BTG3: variants seen among roughly 807,000 people sequenced by gnomAD.
BTG3 encodes protein BTG3.
A neutral mutation model predicts 25.8 loss-of-function variants in BTG3; 4 were observed. The ratio of observed to expected loss-of-function variants is 0.16; its 90% CI spans 0.08 to 0.36. The LOEUF is 0.36. Ranked by LOEUF, BTG3 falls within the 10% of genes least tolerant of loss-of-function variation. BTG3 has a pLI of 1.00. For missense variants in BTG3, 201 were observed against 304.9 expected (o/e 0.66, Z 2.54); for synonymous variants, 107 against 99.9 (o/e 1.07, Z -0.42).
Position 17,604,246 on chromosome 21 carries a change from G to A in BTG3, c.311+614C>T, listed in dbSNP as rs530013965. 40 of 462,492 alleles carry A rather than the reference G, an allele frequency of 8.6e-5. No homozygotes were observed. In the East Asian group the frequency reaches 2.3e-3, roughly 27 times the overall value. The allele number at this position is 462,492 out of a possible 1,614,324, so 28.6% of individuals were successfully genotyped here. On this transcript the variant is annotated intron_variant, in intron 3 of 4. Coordinates refer to ENST00000348354, the MANE Select transcript of BTG3 (RefSeq NM_006806.5). ...TCACGAGGTCAGGAGTTTGAGAGCAGTCTGGCCAACATGGTGAAACCCCAT... is the reference window on the plus strand; with the variant it reads ...TCACGAGGTCAGGAGTTTGAGAGCAATCTGGCCAACATGGTGAAACCCCAT...
At chr21:17,606,485 T>C (rs1361792616) in intron 2 of BTG3, among the ~76,000 whole-genome samples, 1 of 152,140 alleles carries the variant, frequency 6.6e-6, no homozygotes, top group Non-Finnish European at 1.5e-5. Flanking sequence ...TAATATTGTA[T>C]AGGGTAATTT....
intron 3 of BTG3, 192 bp from the exon 4 acceptor site, chr21:17,599,016 G>A (rs2061538261): frequency 2.0e-6 from 1 of 496,326 alleles, no homozygotes; most frequent in African/African-American, 2.0e-5. Flanking sequence ...TTCTACTTCT[G>A]GTCTATTTAA....
At chr21:17,607,400 T>C (rs1244599917) in intron 2 of BTG3, among the ~76,000 whole-genome samples, 1 of 151,882 alleles carries the variant, frequency 6.6e-6, no homozygotes, top group Non-Finnish European at 1.5e-5. Flanking sequence ...AAAAAAAAAA[T>C]TAAGATAATC....
At position 17,595,247 on chromosome 21, in the gene BTG3, ATCT is replaced by A. The variant is rs144154891; in HGVS notation, c.520-918_520-916del. ...TAGACCTCTCTGCTTAGAATGCCAC[ATCT>A]TCTTAAATTTCTGATTTTGCTGATC... On this transcript the variant is annotated intron_variant, in intron 4 of 4. Transcript: ENST00000348354. Among the ~76,000 whole-genome samples the A allele has an allele frequency of 7.5e-3, 1,134 of 152,178 alleles. 18 individuals are homozygous for A. The highest frequency in any genetic ancestry group is 0.026 in the African/African-American group (1,073 of 41,554).
Position 17,609,118 on chromosome 21 carries a change from G to A in BTG3, c.27C>T (p.Val9=). Residue 9 remains valine (V), a synonymous_variant, in exon 2 of 5, where the codon GTC becomes GTT. Transcript: ENST00000348354. MKNEIAAV[V]FFFTRLVRKH... Reference sequence around the variant, plus strand: ...TTCGAACTAGCCTTGTGAAAAAGAAGACAACGGCAGCAATTTCATTCTTCA... The same window carrying A: ...TTCGAACTAGCCTTGTGAAAAAGAAAACAACGGCAGCAATTTCATTCTTCA... The A allele has an allele frequency of 6.2e-7, 1 of 1,610,492 alleles. No homozygotes were observed. The highest frequency in any genetic ancestry group is 8.5e-7 in the Non-Finnish European group (1 of 1,179,180).
intron 4 of BTG3, 119 bp from the exon 5 acceptor site, chr21:17,594,451 C>A: frequency 8.5e-7 from 1 of 1,177,516 alleles, no homozygotes; most frequent in Non-Finnish European, 1.2e-6. Context: ...CTAAGTGACA[C>A]TCCTATTGTC....
At chr21:17,599,030 T>C (rs1000637090) in intron 3 of BTG3, 3 of 446,836 alleles carry the variant, frequency 6.7e-6, no homozygotes, top group Admixed American at 3.9e-5. Flanking sequence ...TATTTAAGTA[T>C]TCATAAACAT....
At chr21:17,598,334 TA>T (rs1422922834) in intron 4 of BTG3, among the ~76,000 whole-genome samples, 1 of 152,232 alleles carries the variant, frequency 6.6e-6, no homozygotes, top group African/African-American at 2.4e-5. Flanking sequence ...AATGAGATTT[TA>T]AAATATCAGG....
chr21:17,593,912 C>G lies in BTG3; in HGVS notation c.*181G>C. The G allele has an allele frequency of 2.6e-6, 2 of 767,026 alleles. No individual in the cohort carries two copies. The highest frequency in any genetic ancestry group is 3.9e-6 in the Non-Finnish European group (2 of 514,418). The allele number at this position is 767,026 out of a possible 1,614,324, so 47.5% of individuals were successfully genotyped here. On this transcript the variant is annotated 3_prime_UTR_variant, in exon 5 of 5. Coordinates refer to ENST00000348354, the MANE Select transcript of BTG3 (RefSeq NM_006806.5). ...TTTAATAAAATTTCTCAAACTATATCAATATCTAAAGTGCATATATTTTTT... is the reference window on the plus strand; with the variant it reads ...TTTAATAAAATTTCTCAAACTATATGAATATCTAAAGTGCATATATTTTTT...
intron 1 of BTG3, among the ~76,000 whole-genome samples, chr21:17,610,696 AAG>A (rs2061709160): frequency 6.6e-6 from 1 of 152,188 alleles, no homozygotes; most frequent in Admixed American, 6.5e-5. Context: ...TGCCTTTAGT[AAG>A]CAACATCACC....
intron 2 of BTG3, chr21:17,608,684 A>G: frequency 3.2e-6 from 1 of 314,776 alleles, no homozygotes; most frequent in Non-Finnish European, 5.7e-6. Context: ...ATCCCTAAGT[A>G]TTTGTGATAA....
intron 1 of BTG3, chr21:17,612,260 T>A (rs1212809396): frequency 6.6e-6 from 1 of 152,160 alleles, no homozygotes; most frequent in Non-Finnish European, 1.5e-5. Flanking sequence ...GCGGGTCCGC[T>A]GTCCCCGGCG....
intron 4 of BTG3, among the ~76,000 whole-genome samples, chr21:17,597,676 TA>T (rs1285797502): frequency 1.3e-5 from 2 of 152,040 alleles, no homozygotes; most frequent in Non-Finnish European, 2.9e-5. Context: ...TAAATTATGA[TA>T]ATCTTCAGAA....
intron 4 of BTG3, among the ~76,000 whole-genome samples, chr21:17,596,302 T>C (rs1456177022): frequency 1.3e-5 from 2 of 152,056 alleles, no homozygotes; most frequent in Non-Finnish European, 2.9e-5. Context: ...GAAGTCCAGT[T>C]TGTCAATTTT....
At chr21:17,606,525 G>A (rs2123470083) in intron 2 of BTG3, among the ~76,000 whole-genome samples, 1 of 152,188 alleles carries the variant, frequency 6.6e-6, no homozygotes, top group South Asian at 2.1e-4. Flanking sequence ...GGGACCAAAA[G>A]CAGTTAAGGA....
intron 1 of BTG3, among the ~76,000 whole-genome samples, chr21:17,610,407 A>G (rs1448238441): frequency 6.6e-6 from 1 of 152,252 alleles, no homozygotes; most frequent in Non-Finnish European, 1.5e-5. Flanking sequence ...AGAGAGATAC[A>G]TTTATCCACA....
chr21:17,609,797 T>A (rs924258038), intron 1 of BTG3, among the ~76,000 whole-genome samples: 1 of 152,192 alleles, frequency 6.6e-6, no homozygotes, highest in Non-Finnish European at 1.5e-5. Flanking sequence ...TACTGTGTTA[T>A]ACACACGTAT....
chr21:17,611,030 T>TAC (rs1272902454), intron 1 of BTG3, among the ~76,000 whole-genome samples: 1 of 151,952 alleles, frequency 6.6e-6, no homozygotes, highest in East Asian at 1.9e-4. Flanking sequence ...ATTCACCTTC[T>TAC]ACAGCCAGCT....
At chr21:17,598,138 CTA>C (rs1401309605) in intron 4 of BTG3, among the ~76,000 whole-genome samples, 1 of 151,996 alleles carries the variant, frequency 6.6e-6, no homozygotes, top group African/African-American at 2.4e-5. Context: ...GGCACACTAG[CTA>C]TATGACTTTT....
Sources: gnomAD v4.1 joint callset for allele counts (sites outside exome capture counted in the v4.1 genomes callset) on GRCh38, gnomAD v4.1.1 for gene constraint, MANE v1.5 for transcripts, NCBI Gene and HGNC (gene_info 2026-07-23, HGNC 2026-07-21) for gene names.